CDIN1: variants seen among roughly 807,000 people sequenced by gnomAD.
CDIN1 encodes CDAN1 interacting nuclease 1.
A neutral mutation model predicts 45.3 loss-of-function variants in CDIN1; 33 were observed. The observed-to-expected ratio is 0.73, with a 90% CI of 0.55 to 0.97. CDIN1 has a LOEUF of 0.97. Among genes scored for constraint, CDIN1 ranks in the 50% least tolerant of loss-of-function variants. The pLI, the probability that CDIN1 is intolerant of heterozygous loss-of-function variation, is 0.00. For synonymous variants in CDIN1, 118 were observed against 124.4 expected (o/e 0.95, Z 0.34); for missense variants, 303 against 339.4 (o/e 0.89, Z 0.84).
chr15:36,645,310 G>A (rs922866253), intron 3 of CDIN1, 23 bp downstream of exon 3: 2 of 1,519,724 alleles, frequency 1.3e-6, no homozygotes, highest in African/African-American at 2.8e-5. Flanking sequence ...TGCCCCACTA[G>A]AGGGTATCAT....
At chr15:36,798,894 TTCA>T (rs1434159954) in intron 10 of CDIN1, 2 of 152,196 alleles carry the variant, frequency 1.3e-5, no homozygotes, top group African/African-American at 4.8e-5. Flanking sequence ...CACCTCAAAA[TTCA>T]TCAGAGCAAG....
At chr15:36,667,691 A>G (rs2041300701) in intron 5 of CDIN1, among the ~76,000 whole-genome samples, 1 of 152,168 alleles carries the variant, frequency 6.6e-6, no homozygotes, top group Non-Finnish European at 1.5e-5. Context: ...GAAGACGCTA[A>G]TATATTTAAG....
intron 1 of CDIN1, among the ~76,000 whole-genome samples, chr15:36,636,328 G>A (rs1272193503): frequency 6.6e-6 from 1 of 152,130 alleles, no homozygotes; most frequent in Non-Finnish European, 1.5e-5. Context: ...CAAGGTGGGA[G>A]GATCATGAGG....
chr15:36,646,444 C>T (rs571346034), intron 3 of CDIN1, among the ~76,000 whole-genome samples: 2 of 152,228 alleles, frequency 1.3e-5, no homozygotes, highest in African/African-American at 4.8e-5. Flanking sequence ...CACATACACA[C>T]ACACAGTTTT....
chr15:36,612,145 C>A (rs1246183354), intron 1 of CDIN1, among the ~76,000 whole-genome samples: 2 of 152,200 alleles, frequency 1.3e-5, no homozygotes, highest in African/African-American at 4.8e-5. Context: ...TCTTTCATGG[C>A]CATGGGACTG....
At chr15:36,803,268 A>G (rs149985842) in intron 10 of CDIN1, among the ~76,000 whole-genome samples, 203 of 150,794 alleles carry the variant, frequency 1.3e-3, no homozygotes, top group African/African-American at 4.7e-3. Flanking sequence ...AAGGAGGAGT[A>G]TTGCTGTATA....
At chr15:36,788,290 AT>A (rs2141078039) in intron 10 of CDIN1, among the ~76,000 whole-genome samples, 1 of 151,192 alleles carries the variant, frequency 6.6e-6, no homozygotes, top group South Asian at 2.1e-4. Context: ...CCAATTTTGT[AT>A]TTTTAGTAGA....
intron 1 of CDIN1, among the ~76,000 whole-genome samples, chr15:36,637,526 A>G (rs538591821): frequency 7.9e-5 from 12 of 152,176 alleles, no homozygotes; most frequent in Non-Finnish European, 1.5e-4. Context: ...GTGGGAGTTT[A>G]AAGTCGTTAC....
chr15:36,768,077 C>A (rs561009963), intron 10 of CDIN1, among the ~76,000 whole-genome samples: 1 of 152,202 alleles, frequency 6.6e-6, no homozygotes, highest in African/African-American at 2.4e-5. Context: ...CCTCCCACCC[C>A]CAGGACCCCT....
intron 10 of CDIN1, among the ~76,000 whole-genome samples, chr15:36,723,951 A>C (rs912834170): frequency 3.3e-5 from 5 of 152,244 alleles, no homozygotes; most frequent in Admixed American, 6.5e-5. Flanking sequence ...AATAATAGCT[A>C]ACACTGAACA....
chr15:36,631,444 T>A (rs1017857996), intron 1 of CDIN1, among the ~76,000 whole-genome samples: 2 of 152,234 alleles, frequency 1.3e-5, no homozygotes, highest in African/African-American at 4.8e-5. Flanking sequence ...TGACAACTAC[T>A]AATCTGCTTT....
intron 5 of CDIN1, among the ~76,000 whole-genome samples, chr15:36,659,619 GT>G (rs2040913845): frequency 6.8e-6 from 1 of 147,008 alleles, no homozygotes; most frequent in Non-Finnish European, 1.5e-5. Context: ...ACAGAGTCAG[GT>G]TTTGTTTTTT....
chr15:36,648,151 A>G (rs1007279650), intron 3 of CDIN1, among the ~76,000 whole-genome samples: 1 of 152,048 alleles, frequency 6.6e-6, no homozygotes. Context: ...GATAGTATTA[A>G]AAAGGAATGA....
At position 36,691,666 on chromosome 15, in the gene CDIN1, C is replaced by G. The variant is rs960868837; in HGVS notation, c.347-19C>G. On this transcript the variant is annotated intron_variant, in intron 5 of 10. Coordinates refer to ENST00000566621, the MANE Select transcript of CDIN1 (RefSeq NM_001321759.2). ...GTATGTTGACTATCTGCTAACAGTTCATCTCTTTTCTTCTACAGCCTCCAA... is the reference window on the plus strand; with the variant it reads ...GTATGTTGACTATCTGCTAACAGTTGATCTCTTTTCTTCTACAGCCTCCAA... 5.3e-6 allele frequency: 8 copies of G among 1,513,562 alleles called. No homozygotes were observed. The highest frequency in any genetic ancestry group is 7.3e-6 in the Non-Finnish European group (8 of 1,099,610). The allele number at this position is 1,513,562 out of a possible 1,614,324, so 93.8% of individuals were successfully genotyped here. A position where few individuals can be genotyped will look rare whatever the true frequency, so the allele number is the denominator to read the frequency against.
intron 10 of CDIN1, among the ~76,000 whole-genome samples, chr15:36,717,020 G>T (rs974128973): frequency 2.0e-5 from 3 of 152,086 alleles, no homozygotes; most frequent in Non-Finnish European, 4.4e-5. Context: ...GTTGGAAGAG[G>T]CTACTTTGTC....
chr15:36,677,916 T>G (rs2041707181), intron 5 of CDIN1, among the ~76,000 whole-genome samples: 1 of 152,142 alleles, frequency 6.6e-6, no homozygotes, highest in Non-Finnish European at 1.5e-5. Flanking sequence ...TGGATAAGGA[T>G]TGGTGGCATA....
At position 36,682,448 on chromosome 15, in the gene CDIN1, G is replaced by A. The variant is rs373434215; in HGVS notation, c.347-9237G>A. ...ACCCAGTTTACATTCAAATTTTAAT[G>A]TCATCCAGAAATACCCTCACAGACG... On this transcript the variant is annotated intron_variant, in intron 5 of 10. Transcript: ENST00000566621. 4.9e-4 allele frequency among the ~76,000 whole-genome samples: 74 copies of A among 152,078 alleles called. 1 individual carries two copies. The South Asian group carries it at 7.5e-3, about 15-fold the overall frequency.
At chr15:36,709,684 A>G (rs1238231016) in intron 9 of CDIN1, among the ~76,000 whole-genome samples, 172 bp from the exon 10 acceptor site, 1 of 152,158 alleles carries the variant, frequency 6.6e-6, no homozygotes, top group African/African-American at 2.4e-5. Context: ...TGTCACATAA[A>G]TGTTCTTTGT....
chr15:36,737,520 G>C (rs2044076011), intron 10 of CDIN1, among the ~76,000 whole-genome samples: 1 of 152,176 alleles, frequency 6.6e-6, no homozygotes. Flanking sequence ...TGAGGCTTTT[G>C]TGGACAGCTG....
Sources: allele counts gnomAD v4.1 joint callset (sites outside exome capture counted in the v4.1 genomes callset), GRCh38; gene constraint gnomAD v4.1.1; transcripts MANE v1.5; gene names NCBI Gene and HGNC (gene_info 2026-07-23, HGNC 2026-07-21).